Variants in RNF185 observed in about 807,000 individuals in gnomAD.
RNF185 encodes ring finger protein 185, also known as E3 ubiquitin-protein ligase RNF185.
A neutral mutation model predicts 24.9 loss-of-function variants in RNF185; 13 were observed. That is an observed-to-expected ratio of 0.52 (90% CI 0.34 to 0.83). RNF185 has a LOEUF of 0.83. Among genes scored for constraint, RNF185 ranks in the 40% least tolerant of loss-of-function variants. The pLI is 0.01. For synonymous variants in RNF185, 79 were observed against 90.3 expected (o/e 0.88, Z 0.71); for missense variants, 184 against 244.7 (o/e 0.75, Z 1.65).
chr22:31,187,187 A>G lies in RNF185; in HGVS notation c.93A>G (p.Gly31=). Reference sequence around the variant, plus strand: ...GCAGCAATGGCGCTGGCGAGAGCGGAGGGCAGGACAGCACTTTCGAGTGCA... The same window carrying G: ...GCAGCAATGGCGCTGGCGAGAGCGGGGGGCAGGACAGCACTTTCGAGTGCA... ...SGSSNGAGES[G]GQDSTFECNI... is the part of the protein sequence containing the mutation. The change falls in exon 2 of 7, where the codon GGA becomes GGG. Residue 31 remains glycine, a synonymous_variant. Coordinates refer to ENST00000326132, the MANE Select transcript of RNF185 (RefSeq NM_152267.4). 5.6e-6 allele frequency: 9 copies of G among 1,613,926 alleles called. No individual in the cohort carries two copies. The highest frequency in any genetic ancestry group is 7.6e-6 in the Non-Finnish European group (9 of 1,179,892).
intron 5 of RNF185, among the ~76,000 whole-genome samples, chr22:31,200,383 CA>C (rs1349826172): frequency 1.3e-5 from 2 of 152,068 alleles, no homozygotes; most frequent in African/African-American, 2.4e-5. Flanking sequence ...AAAAGAAAAG[CA>C]TGTGTTTTCA....
rs970320249 is a variant in RNF185, at chr22:31,175,402, C to T, written c.-48-11645C>T. Among the ~76,000 whole-genome samples, 4 of 150,334 alleles carry T rather than the reference C, an allele frequency of 2.7e-5. No individual in the cohort carries two copies. In the South Asian group the frequency reaches 6.3e-4, roughly 24 times the overall value. On this transcript the variant is annotated intron_variant, in intron 1 of 6. Coordinates refer to ENST00000326132, the MANE Select transcript of RNF185 (RefSeq NM_152267.4). ...CCGGTAGGTGGAGGTTGCAGTGAGC[C>T]GAGATCACGCCATTGCACTCCATCC...
chr22:31,180,555 C>T (rs898671380), intron 1 of RNF185, among the ~76,000 whole-genome samples: 5 of 148,302 alleles, frequency 3.4e-5, no homozygotes, highest in East Asian at 3.9e-4. Flanking sequence ...ATCAGAGTCT[C>T]GCTCTAATTG....
intron 3 of RNF185, 92 bp from the exon 4 acceptor site, chr22:31,195,377 G>A: frequency 1.4e-6 from 1 of 714,976 alleles, no homozygotes; most frequent in African/African-American, 1.8e-5. Flanking sequence ...TTCCCAGTTT[G>A]AGGCCTCTGG....
At chr22:31,186,835 T>G (rs2048103811) in intron 1 of RNF185, among the ~76,000 whole-genome samples, 1 of 152,192 alleles carries the variant, frequency 6.6e-6, no homozygotes, top group Admixed American at 6.6e-5. Flanking sequence ...CGTATCTGTG[T>G]GATATATTCT....
chr22:31,169,307 T>G (rs1395027689), intron 1 of RNF185, among the ~76,000 whole-genome samples: 1 of 152,252 alleles, frequency 6.6e-6, no homozygotes, highest in African/African-American at 2.4e-5. Flanking sequence ...GCAAATATTT[T>G]CTCCCATTCT....
At chr22:31,196,817 A>G (rs1347518111) in intron 4 of RNF185, 119 bp from the exon 5 acceptor site, 1 of 1,310,846 alleles carries the variant, frequency 7.6e-7, no homozygotes, top group Non-Finnish European at 1.0e-6. Context: ...GCATAAGTTC[A>G]TGTCCTGGAC....
chr22:31,199,525 G>A (rs1019244267), intron 5 of RNF185, among the ~76,000 whole-genome samples: 1 of 152,190 alleles, frequency 6.6e-6, no homozygotes, highest in African/African-American at 2.4e-5. Context: ...AGCTACTAGC[G>A]ATGTTTTTTT....
chr22:31,168,763 G>A (rs1281782764), intron 1 of RNF185, among the ~76,000 whole-genome samples: 1 of 152,146 alleles, frequency 6.6e-6, no homozygotes, highest in Non-Finnish European at 1.5e-5. Flanking sequence ...TAGTCATTCT[G>A]ATGGTATCTC....
intron 3 of RNF185, among the ~76,000 whole-genome samples, chr22:31,194,750 CAGAA>C (rs1285789240): frequency 6.6e-6 from 1 of 152,024 alleles, no homozygotes; most frequent in East Asian, 1.9e-4. Flanking sequence ...TGAGAAATCA[CAGAA>C]AGAAGAATAT....
chr22:31,169,306 T>C (rs1328136130), intron 1 of RNF185, among the ~76,000 whole-genome samples: 1 of 152,240 alleles, frequency 6.6e-6, no homozygotes, highest in Non-Finnish European at 1.5e-5. Context: ...TGCAAATATT[T>C]TCTCCCATTC....
chr22:31,163,284 T>C (rs1482318536), intron 1 of RNF185, among the ~76,000 whole-genome samples: 2 of 152,126 alleles, frequency 1.3e-5, no homozygotes, highest in Non-Finnish European at 2.9e-5. Context: ...ATTTACTCTA[T>C]GGCCCTTTAT....
chr22:31,204,415 A>G (rs189104715), intron 6 of RNF185, 74 bp from the exon 7 acceptor site: 3 of 853,984 alleles, frequency 3.5e-6, no homozygotes, highest in Middle Eastern at 2.2e-4. Context: ...GATGCTGTCA[A>G]CTTCTGGCCT....
At chr22:31,203,718 T>C (rs2147968377) in intron 6 of RNF185, among the ~76,000 whole-genome samples, 1 of 152,282 alleles carries the variant, frequency 6.6e-6, no homozygotes, top group East Asian at 1.9e-4. Flanking sequence ...TAGTTTCATT[T>C]TGCCTGATAT....
In RNF185 at chr22:31,206,574, T is replaced by C. The variant is rs1365136625; in HGVS notation, c.*1988T>C. ...AAGTTGTGGGTAGGAAAATGAATCA[T>C]TTGGACTCTTCAATGAAATGGAGTG... On this transcript the variant is annotated 3_prime_UTR_variant, in exon 7 of 7. Coordinates refer to ENST00000326132, the MANE Select transcript of RNF185 (RefSeq NM_152267.4). The C allele has an allele frequency of 6.6e-6, 1 of 152,162 alleles. No individual in the cohort carries two copies. Among genetic ancestry groups the C allele is most frequent in the Non-Finnish European group, 1.5e-5 (1 of 68,036 alleles). 9.4% of individuals were successfully genotyped at this position (152,162 alleles called of 1,614,324 possible). A position where few individuals can be genotyped will look rare whatever the true frequency, so the allele number is the denominator to read the frequency against.
intron 2 of RNF185, among the ~76,000 whole-genome samples, chr22:31,187,882 G>A (rs1269419375): frequency 1.3e-5 from 2 of 151,978 alleles, no homozygotes; most frequent in East Asian, 3.9e-4. Context: ...TTCTGGCTCT[G>A]AGAACCTAGG....
At chr22:31,163,046 G>A (rs1265725987) in intron 1 of RNF185, among the ~76,000 whole-genome samples, 1 of 152,156 alleles carries the variant, frequency 6.6e-6, no homozygotes, top group African/African-American at 2.4e-5. Context: ...TTACAGGCGT[G>A]AGCCACCACG....
chr22:31,161,272 A>G (rs1333478905), intron 1 of RNF185, among the ~76,000 whole-genome samples: 1 of 152,202 alleles, frequency 6.6e-6, no homozygotes, highest in African/African-American at 2.4e-5. Context: ...AGGGAGGTAT[A>G]TAGGTATTAG....
At chr22:31,164,705 G>A (rs1004207195) in intron 1 of RNF185, among the ~76,000 whole-genome samples, 1 of 148,000 alleles carries the variant, frequency 6.8e-6, no homozygotes, top group African/African-American at 2.5e-5. Context: ...TCCTGCCTCA[G>A]CCTCCTGAAT....
Sources: gnomAD v4.1 joint callset for allele counts (sites outside exome capture counted in the v4.1 genomes callset) on GRCh38, gnomAD v4.1.1 for gene constraint, MANE v1.5 for transcripts, NCBI Gene and HGNC (gene_info 2026-07-23, HGNC 2026-07-21) for gene names.